Variants in TTN observed in about 807,000 individuals in gnomAD.
The protein encoded by TTN is titin.
A neutral mutation model predicts 3,223.0 loss-of-function variants in TTN; 1,525 were observed. That is an observed-to-expected ratio of 0.47 (90% CI 0.45 to 0.49). The LOEUF (loss-of-function observed/expected upper bound fraction) is 0.49, where lower values mean the gene tolerates loss of function less well. TTN is among the 20% of genes least tolerant of loss of function. TTN has a pLI of 0.00. For synonymous variants in TTN, 14,094 were observed against 15,161.0 expected (o/e 0.93, Z 5.17); for missense variants, 40,786 against 43,424.0 (o/e 0.94, Z 5.40).
In TTN at chr2:178,779,353, G is replaced by T. The variant is rs768973368; in HGVS notation, c.3839C>A (p.Ala1280Glu). The change falls in exon 23 of 363, where the codon GCA (alanine) becomes GAA (glutamate). Residue 1280 changes from alanine to glutamate, a missense_variant. Coordinates refer to ENST00000589042, the MANE Select transcript of TTN (RefSeq NM_001267550.2). The stretch of plus-strand genomic sequence containing the variant: ...AGCTTCAGATTCAGAAATGTCAACT[G>T]CCATCTTTTCTTCTCCATCTTCTTC... The part of the protein sequence containing the change: ...LLEEDGEEKM[A>E]VDISESEAVE... 1 of 1,611,706 alleles carries T rather than the reference G, an allele frequency of 6.2e-7. No individual in the cohort carries two copies. The highest frequency in any genetic ancestry group is 1.1e-5 in the South Asian group (1 of 90,996).
chr2:178,583,541 T>C, intron 312 of TTN, 66 bp downstream of exon 312: 1 of 1,426,596 alleles, frequency 7.0e-7, no homozygotes, highest in Non-Finnish European at 9.2e-7. Flanking sequence ...TTTAGTTTTT[T>C]ATTAGGAAAA....
At chr2:178,616,360 T>C (rs1249350412) in intron 257 of TTN, 119 bp downstream of exon 257, 1 of 1,397,816 alleles carries the variant, frequency 7.2e-7, no homozygotes, top group Non-Finnish European at 9.8e-7. Context: ...TTTTTGTACA[T>C]TTTCAGTGAG....
intron 113 of TTN, 93 bp downstream of exon 113, chr2:178,697,028 A>T (rs141547254): frequency 2.6e-6 from 3 of 1,162,892 alleles, no homozygotes; most frequent in Admixed American, 2.2e-5. Context: ...ACAACTTTCA[A>T]TAAGTTGGAA....
intron 326 of TTN, 148 bp downstream of exon 326, chr2:178,559,163 C>T: frequency 7.7e-6 from 5 of 647,970 alleles, no homozygotes; most frequent in East Asian, 2.9e-5. Flanking sequence ...CTAGAGATTC[C>T]ATTTTGTGCC....
chr2:178,678,124 C>G lies in TTN; in HGVS notation c.33994+1G>C. On this transcript the variant is annotated splice_donor_variant, in intron 145 of 362. Coordinates refer to ENST00000589042, the MANE Select transcript of TTN (RefSeq NM_001267550.2). LOFTEE classifies it high-confidence loss of function. Reference sequence around the variant, plus strand: ...CATGGCTCTGTTACAGATTAATGTACCTTTGGGTGGTGGTGCTTCCACTTT... The same window carrying G: ...CATGGCTCTGTTACAGATTAATGTAGCTTTGGGTGGTGGTGCTTCCACTTT... 1 of 1,609,498 alleles carries G rather than the reference C, an allele frequency of 6.2e-7. No homozygotes were observed. Among genetic ancestry groups the G allele is most frequent in the Non-Finnish European group, 8.5e-7 (1 of 1,178,554 alleles).
intron 316 of TTN, chr2:178,580,996 T>C (rs2047603596): frequency 2.3e-5 from 4 of 173,000 alleles, no homozygotes; most frequent in Non-Finnish European, 4.8e-5. Flanking sequence ...TATTATTTCA[T>C]AGTAGGAAGA....
intron 242 of TTN, among the ~76,000 whole-genome samples, chr2:178,623,709 C>G (rs1390298480): frequency 6.6e-6 from 1 of 151,854 alleles, no homozygotes; most frequent in Non-Finnish European, 1.5e-5. Context: ...TAGCTGTTGA[C>G]AGATGGGAAG....
Position 178,572,822 on chromosome 2 carries a change from A to G in TTN, c.73310T>C (p.Val24437Ala). 6.2e-7 allele frequency: 1 copy of G among 1,613,440 alleles called. No homozygotes were observed. Among genetic ancestry groups the G allele is most frequent in the South Asian group, 1.1e-5 (1 of 91,068 alleles). The change falls in exon 326 of 363, where the codon GTT becomes GCT. Residue 24437 changes from valine (V) to alanine (A), a missense_variant. By Grantham distance (64) the Val-to-Ala change is moderately conservative (BLOSUM62 0). Coordinates refer to ENST00000589042, the MANE Select transcript of TTN (RefSeq NM_001267550.2). ...GGTGCAGCAGGCCCTTATAGTAACA[A>G]CTTTGCGCAGGTCAGCATCCAGTTC... ...EIELDADLRK[V>A]VTIRACCTLR...
intron 71 of TTN, chr2:178,724,870 G>A (rs1320201098): frequency 9.3e-6 from 2 of 213,944 alleles, no homozygotes; most frequent in East Asian, 1.1e-4. Flanking sequence ...AGTATATATT[G>A]ATTTCCACTT....
rs2090776156 is a variant in TTN, at chr2:178,767,891, G to T, written c.9339C>A (p.Arg3113=). The change falls in exon 40 of 363, where the codon CGC becomes CGA. Residue 3113 remains arginine (R), a synonymous_variant. Transcript: ENST00000589042. ...IKIQKEKYVH[R]LLIPSTRMSD... ...ACATCCGGGTGGATGGGATCAGAAG[G>T]CGGTGGACATATTTCTCCTTCTGAA... The T allele has an allele frequency of 6.2e-7, 1 of 1,613,986 alleles. No individual in the cohort carries two copies. The highest frequency in any genetic ancestry group is 8.5e-7 in the Non-Finnish European group (1 of 1,180,014).
At chr2:178,765,950 G>A (rs1470759481) in intron 41 of TTN, among the ~76,000 whole-genome samples, 1 of 152,120 alleles carries the variant, frequency 6.6e-6, no homozygotes, top group Non-Finnish European at 1.5e-5. Context: ...AGGCCTTCCA[G>A]GGTCTCAAAG....
Position 178,565,625 on chromosome 2 carries a change from C to G in TTN, c.80507G>C (p.Cys26836Ser). 1 of 1,613,576 alleles carries G rather than the reference C, an allele frequency of 6.2e-7. No homozygotes were observed. The highest frequency in any genetic ancestry group is 1.3e-5 in the African/African-American group (1 of 75,004). The change falls in exon 326 of 363, where the codon TGT (cysteine) becomes TCT (serine). Residue 26836 changes from cysteine (C) to serine (S), a missense_variant. By Grantham distance (112) the Cys-to-Ser change is moderately radical (BLOSUM62 -1). Transcript: ENST00000589042. ...ACTCAAACCAGTAACAACTGCATTA[C>G]AGACTTTGGATTCAGCCACAATGCT... is the stretch of plus-strand genomic sequence containing the variant. ...KWSIVAESKV[C>S]NAVVTGLSSG...
chr2:178,802,949 C>A (rs746700652), intron 2 of TTN, among the ~76,000 whole-genome samples: 11 of 152,212 alleles, frequency 7.2e-5, no homozygotes, highest in South Asian at 2.1e-4. Flanking sequence ...TCTTCCAGAA[C>A]AACATGGATC....
In TTN at chr2:178,592,920, G is replaced by C; in HGVS notation, c.59199C>G (p.Thr19733=). The C allele has an allele frequency of 6.2e-7, 1 of 1,613,392 alleles. No individual in the cohort carries two copies. The highest frequency in any genetic ancestry group is 8.5e-7 in the Non-Finnish European group (1 of 1,179,584). ...GDEEWRRANH[T]PESCPETKYK... The stretch of plus-strand genomic sequence containing the variant: ...ATTTAGTTTCAGGACATGACTCAGG[G>C]GTGTGATTGGCTCTTCTCCACTCTT... Residue 19733 remains threonine, a synonymous_variant, in exon 300 of 363, where the codon ACC becomes ACG. Transcript: ENST00000589042.
intron 105 of TTN, 48 bp from the exon 106 acceptor site, chr2:178,704,455 G>A (rs1233056875): frequency 1.9e-6 from 3 of 1,599,110 alleles, no homozygotes; most frequent in Non-Finnish European, 2.6e-6. Flanking sequence ...ACACGCAGAT[G>A]TGCTCAACAG....
At chr2:178,559,114 C>T (rs561382897) in intron 326 of TTN, 197 bp downstream of exon 326, 16 of 442,038 alleles carry the variant, frequency 3.6e-5, no homozygotes, top group East Asian at 2.3e-4. Context: ...ATTTTAGCTA[C>T]GTAAATTTCT....
chr2:178,726,345 A>G (rs2079332501), intron 69 of TTN: 1 of 239,090 alleles, frequency 4.2e-6, no homozygotes, highest in Non-Finnish European at 8.0e-6. Context: ...AATTGCAAAC[A>G]AGCAAGTATA....
At chr2:178,650,081 C>G (rs2062687502) in intron 210 of TTN, 83 bp downstream of exon 210, 1 of 1,338,696 alleles carries the variant, frequency 7.5e-7, no homozygotes, top group Non-Finnish European at 1.0e-6. Flanking sequence ...AGATACAAGA[C>G]TGATATTTTG....
At chr2:178,641,458 C>A in intron 219 of TTN, 143 bp from the exon 220 acceptor site, 1 of 494,212 alleles carries the variant, frequency 2.0e-6, no homozygotes, top group Non-Finnish European at 3.5e-6. Context: ...AGCATTTACA[C>A]CGAAAGTGTT....
Sources: allele counts gnomAD v4.1 joint callset (sites outside exome capture counted in the v4.1 genomes callset), GRCh38; gene constraint gnomAD v4.1.1; transcripts MANE v1.5; gene names NCBI Gene and HGNC (gene_info 2026-07-23, HGNC 2026-07-21).